Variants in TRIM54 observed in about 807,000 individuals in gnomAD.
TRIM54 encodes tripartite motif-containing protein 54.
A neutral mutation model predicts 42.0 loss-of-function variants in TRIM54; 40 were observed. That is an observed-to-expected ratio of 0.95 (90% CI 0.74 to 1.24). The LOEUF is 1.24. Ranked by LOEUF, TRIM54 falls within the 50% of genes most tolerant of loss-of-function variation. TRIM54 has a pLI of 0.00. For missense variants in TRIM54, 485 were observed against 480.3 expected, an observed-to-expected ratio of 1.01 and a Z score of -0.09; for synonymous variants, 199 against 194.9, an observed-to-expected ratio of 1.02 and a Z score of -0.17.
chr2:27,282,827 G>A lies in TRIM54; in HGVS notation c.96G>A (p.Met32Ile), dbSNP rs1678420570. 1.2e-6 allele frequency: 2 copies of A among 1,614,124 alleles called. No individual in the cohort carries two copies. Among genetic ancestry groups the A allele is most frequent in the Non-Finnish European group, 1.7e-6 (2 of 1,179,990 alleles). ...KQLICPICLE[M>I]FSKPVVILPC... is the part of the protein sequence containing the mutation. Reference sequence around the variant, plus strand: ...TCATCTGCCCCATCTGCCTGGAGATGTTCTCCAAACCAGTGGTGATCCTGC... The same window carrying A: ...TCATCTGCCCCATCTGCCTGGAGATATTCTCCAAACCAGTGGTGATCCTGC... Residue 32 changes from methionine to isoleucine, a missense_variant, in exon 1 of 9, where the codon ATG becomes ATA. By Grantham distance (10) the Met-to-Ile change is conservative (BLOSUM62 1). Transcript: ENST00000380075.
chr2:27,294,532 C>G (rs560767284), intron 1 of TRIM54, among the ~76,000 whole-genome samples: 1 of 152,080 alleles, frequency 6.6e-6, no homozygotes, highest in African/African-American at 2.4e-5. Flanking sequence ...AGCTCATGAC[C>G]GTGTACAATT....
At chr2:27,305,326 G>C (rs916197282) in intron 4 of TRIM54, 9 of 584,260 alleles carry the variant, frequency 1.5e-5, no homozygotes, top group African/African-American at 1.3e-4. Flanking sequence ...GCTACCTCAT[G>C]GGTTCTTTTT....
At chr2:27,298,300 T>A (rs774084119) in intron 1 of TRIM54, among the ~76,000 whole-genome samples, 4 of 152,088 alleles carry the variant, frequency 2.6e-5, no homozygotes, top group Non-Finnish European at 5.9e-5. Context: ...AGAGATCCCA[T>A]CCTGACTATG....
chr2:27,306,397 G>T lies in TRIM54; in HGVS notation c.992-59G>T. 1 of 1,613,160 alleles carries T rather than the reference G, an allele frequency of 6.2e-7. No homozygotes were observed. The highest frequency in any genetic ancestry group is 8.5e-7 in the Non-Finnish European group (1 of 1,179,580). ...TCGGACCCTCTGTGTGGGGGGTGCG[G>T]CGGGCACGATGGCCGTAAAGGCAGG... On this transcript the variant is annotated intron_variant, in intron 7 of 8. Coordinates refer to ENST00000380075, the MANE Select transcript of TRIM54 (RefSeq NM_187841.3). The surrounding 1 kb of genome is among the most constrained non-coding windows in gnomAD (Gnocchi z 6.1).
intron 1 of TRIM54, among the ~76,000 whole-genome samples, chr2:27,295,285 T>C (rs1210014100): frequency 6.6e-6 from 1 of 152,080 alleles, no homozygotes; most frequent in African/African-American, 2.4e-5. Flanking sequence ...CATGACACGA[T>C]GCTTGACACA....
chr2:27,301,144 T>TA (rs1572528480), intron 3 of TRIM54, among the ~76,000 whole-genome samples: 1 of 150,086 alleles, frequency 6.7e-6, no homozygotes, highest in South Asian at 2.1e-4. Flanking sequence ...TCTTTTTTTT[T>TA]TTTTTTTTTT....
intron 4 of TRIM54, chr2:27,305,382 T>C (rs541579621): frequency 2.2e-5 from 13 of 599,698 alleles, no homozygotes; most frequent in South Asian, 1.2e-4. Flanking sequence ...GCTAGGGATA[T>C]AGACAGCAAT....
At chr2:27,298,467 C>G in intron 1 of TRIM54, 100 bp from the exon 2 acceptor site, 1 of 864,714 alleles carries the variant, frequency 1.2e-6, no homozygotes, top group South Asian at 1.6e-5. Flanking sequence ...TCCCCTCCAT[C>G]AAGTTCCTAC....
In TRIM54 at chr2:27,305,670, G is replaced by A. The variant is rs1679175998; in HGVS notation, c.696G>A (p.Leu232=). The change falls in exon 5 of 9, where the codon CTG becomes CTA. Residue 232 remains leucine (L), a synonymous_variant. Coordinates refer to ENST00000380075, the MANE Select transcript of TRIM54 (RefSeq NM_187841.3). ...TGGAGGAGCGCAAGGGTGAGCTGCT[G>A]CAGGCGCTGGCCCGGGAGCAAGAGG... ...AVLEERKGEL[L]QALAREQEEK... The A allele has an allele frequency of 1.2e-6, 2 of 1,613,308 alleles. No individual in the cohort carries two copies. Among genetic ancestry groups the A allele is most frequent in the African/African-American group, 2.7e-5 (2 of 74,946 alleles).
At chr2:27,290,568 C>G (rs1476528934) in intron 1 of TRIM54, among the ~76,000 whole-genome samples, 1 of 152,180 alleles carries the variant, frequency 6.6e-6, no homozygotes, top group African/African-American at 2.4e-5. Context: ...ATCGCTTGAA[C>G]CCAGGAGGTA....
chr2:27,306,367 C>T lies in TRIM54; in HGVS notation c.991+30C>T, dbSNP rs1015896551. On this transcript the variant is annotated intron_variant, in intron 7 of 8. Transcript: ENST00000380075. The surrounding 1 kb of genome is among the most constrained non-coding windows in gnomAD (Gnocchi z 6.1). Reference sequence around the variant, plus strand: ...AGGAGGTGGCCGAGGGCCGCTGAGACGGGTTCGGACCCTCTGTGTGGGGGG... The same window carrying T: ...AGGAGGTGGCCGAGGGCCGCTGAGATGGGTTCGGACCCTCTGTGTGGGGGG... The T allele has an allele frequency of 2.5e-6, 4 of 1,613,778 alleles. No homozygotes were observed. Among genetic ancestry groups the T allele is most frequent in the Non-Finnish European group, 3.4e-6 (4 of 1,179,906 alleles).
intron 1 of TRIM54, among the ~76,000 whole-genome samples, chr2:27,283,693 T>C (rs1678449109): frequency 6.6e-6 from 1 of 152,002 alleles, no homozygotes; most frequent in African/African-American, 2.4e-5. Flanking sequence ...TTTTTTTTTT[T>C]TCCTGTGCTA....
In TRIM54 at chr2:27,306,317, G is replaced by A. The variant is rs767877263; in HGVS notation, c.971G>A (p.Arg324Gln). The change falls in exon 7 of 9, where the codon CGG (arginine) becomes CAG (glutamine). Residue 324 changes from arginine (R) to glutamine (Q), a missense_variant. Arg to Gln is a conservative substitution (Grantham distance 43, BLOSUM62 1). Coordinates refer to ENST00000380075, the MANE Select transcript of TRIM54 (RefSeq NM_187841.3). The surrounding 1 kb of genome is among the most constrained non-coding windows in gnomAD (Gnocchi z 6.1). ...GTGGAGCACGTGGCCGAAATGCTGC[G>A]GACCATCGACTTCCAGCCAGGTGAA... ...VRVEHVAEML[R>Q]TIDFQPGASG... 1.9e-6 allele frequency: 3 copies of A among 1,614,112 alleles called. No homozygotes were observed. Among genetic ancestry groups the A allele is most frequent in the Non-Finnish European group, 1.7e-6 (2 of 1,179,988 alleles).
At chr2:27,291,246 T>A (rs1678711270) in intron 1 of TRIM54, among the ~76,000 whole-genome samples, 1 of 151,916 alleles carries the variant, frequency 6.6e-6, no homozygotes, top group Non-Finnish European at 1.5e-5. Context: ...TCCCAGCTAC[T>A]CAGGAGGCTG....
intron 3 of TRIM54, 108 bp from the exon 4 acceptor site, chr2:27,304,851 G>C (rs140897265): frequency 2.0e-4 from 164 of 815,724 alleles, no homozygotes; most frequent in African/African-American, 1.8e-3. Flanking sequence ...TGCCCTTATG[G>C]GGGGTGAGGT....
Sources: allele counts gnomAD v4.1 joint callset (sites outside exome capture counted in the v4.1 genomes callset), GRCh38; gene constraint gnomAD v4.1.1; non-coding constraint Gnocchi (gnomAD v3.1); transcripts MANE v1.5; gene names NCBI Gene and HGNC (gene_info 2026-07-23, HGNC 2026-07-21).